The following APPL2 variants were observed in gnomAD, a reference collection of about 807,000 sequenced individuals.
The protein encoded by APPL2 is DCC-interacting protein 13-beta.
In APPL2, 84 loss-of-function variants were observed where a neutral mutation model predicts 92.7. That is an observed-to-expected ratio of 0.91 (90% CI 0.76 to 1.09). The LOEUF is 1.09. Ranked by LOEUF, APPL2 falls within the 50% of genes least tolerant of loss-of-function variation. The pLI is 0.00. For synonymous variants in APPL2, 291 were observed against 291.0 expected, an observed-to-expected ratio of 1.00 and a Z score of 0.00; for missense variants, 736 against 824.5, an observed-to-expected ratio of 0.89 and a Z score of 1.31.
At chr12:105,174,473 GA>G in intron 20 of APPL2, 25 bp from the exon 21 acceptor site, 1 of 1,597,276 alleles carries the variant, frequency 6.3e-7, no homozygotes, top group East Asian at 2.3e-5. Context: ...GTTTAAAAGG[GA>G]AAAAAGAAAA....
chr12:105,226,179 AT>A (rs1341432732), intron 2 of APPL2, among the ~76,000 whole-genome samples: 7 of 152,224 alleles, frequency 4.6e-5, no homozygotes, highest in African/African-American at 1.7e-4. Flanking sequence ...AAACAAACAG[AT>A]CAAAACAGGA....
Position 105,207,127 on chromosome 12 carries a change from G to C in APPL2, c.555C>G (p.Leu185=). Residue 185 remains leucine, a synonymous_variant, in exon 8 of 21, where the codon CTC becomes CTG. Transcript: ENST00000258530. ...TTTGCTTTCTGTACTGCAGCGCGTT[G>C]AGGGCACAGTAGTACTGAAGGGAGG... ...HLSSLQYYCA[L]NALQYRKQMA... The C allele has an allele frequency of 6.2e-7, 1 of 1,614,160 alleles. No individual in the cohort carries two copies. Among genetic ancestry groups the C allele is most frequent in the Non-Finnish European group, 8.5e-7 (1 of 1,180,036 alleles).
At chr12:105,217,810 A>G in intron 2 of APPL2, 85 bp from the exon 3 acceptor site, 1 of 1,322,930 alleles carries the variant, frequency 7.6e-7, no homozygotes, top group Non-Finnish European at 1.1e-6. Context: ...AATCCCTTAA[A>G]AAGTAATATT....
chr12:105,233,383 T>A, intron 1 of APPL2: 1 of 985,488 alleles, frequency 1.0e-6, no homozygotes, highest in South Asian at 4.7e-5. Context: ...AACGCATGTG[T>A]ATGCACACAG....
In APPL2 at chr12:105,174,237, C is replaced by T; in HGVS notation, c.*77G>A. ...GCCTTCGGAAATCAGGTCAGTGTGC[C>T]TGTATGTCAGAGACGTTAAAACCCT... On this transcript the variant is annotated 3_prime_UTR_variant, in exon 21 of 21. Transcript: ENST00000258530. 1 of 1,533,544 alleles carries T rather than the reference C, an allele frequency of 6.5e-7. No homozygotes were observed. Among genetic ancestry groups the T allele is most frequent in the South Asian group, 1.3e-5 (1 of 79,358 alleles). The allele number at this position is 1,533,544 out of a possible 1,614,324, so 95.0% of individuals were successfully genotyped here.
chr12:105,175,432 C>G (rs570140995), intron 20 of APPL2, among the ~76,000 whole-genome samples: 2 of 152,306 alleles, frequency 1.3e-5, no homozygotes, highest in South Asian at 4.1e-4. Context: ...ATTTAAAAAT[C>G]CAGTTCCTCA....
chr12:105,202,215 TCA>T (rs1244558230), intron 9 of APPL2, among the ~76,000 whole-genome samples: 1 of 152,182 alleles, frequency 6.6e-6, no homozygotes, highest in Admixed American at 6.5e-5. Context: ...AGGGGGTAAC[TCA>T]CAGAACCAGC....
At chr12:105,190,978 A>C (rs537409461) in intron 14 of APPL2, among the ~76,000 whole-genome samples, 15 of 152,242 alleles carry the variant, frequency 9.9e-5, no homozygotes, top group Non-Finnish European at 1.5e-4. Flanking sequence ...TTGAAGGGCA[A>C]AGAATATCAA....
chr12:105,191,056 T>G (rs60732733), intron 14 of APPL2, among the ~76,000 whole-genome samples: 9,101 of 152,318 alleles, frequency 0.06, 910 homozygotes, highest in African/African-American at 0.21. Context: ...TCATTTGATA[T>G]GTCAATATTT....
chr12:105,208,091 T>C (rs376145354), intron 6 of APPL2, 62 bp from the exon 7 acceptor site: 38 of 1,613,114 alleles, frequency 2.4e-5, no homozygotes, highest in Middle Eastern at 1.6e-4. Context: ...AGAACATTCA[T>C]TGGGGGTCTC....
At chr12:105,206,835 G>T in intron 8 of APPL2, 1 of 474,462 alleles carries the variant, frequency 2.1e-6, no homozygotes. Flanking sequence ...TTGGGACCCA[G>T]GCCTCATTTC....
At chr12:105,174,884 G>GGGGA (rs1381463531) in intron 20 of APPL2, among the ~76,000 whole-genome samples, 2 of 141,238 alleles carry the variant, frequency 1.4e-5, no homozygotes, top group Non-Finnish European at 3.2e-5. Flanking sequence ...GGTGGGGGGG[G>GGGGA]GGGTGGTGCG....
chr12:105,195,510 G>C lies in APPL2; in HGVS notation c.1096-9C>G, dbSNP rs771822415. 4 of 1,613,938 alleles carry C rather than the reference G, an allele frequency of 2.5e-6. No homozygotes were observed. Among genetic ancestry groups the C allele is most frequent in the Non-Finnish European group, 3.4e-6 (4 of 1,180,012 alleles). On this transcript the variant is annotated splice_polypyrimidine_tract_variant and intron_variant, in intron 12 of 20. Transcript: ENST00000258530. ...TTTATTGCACATATCCACTGTAGAG[G>C]ACATTAAAAAAGAACACTGAATCCC...
chr12:105,199,645 GCTGCCA>G, intron 9 of APPL2, 114 bp from the exon 10 acceptor site: 1 of 1,156,182 alleles, frequency 8.6e-7, no homozygotes, highest in South Asian at 1.6e-5. Flanking sequence ...TACAGATGGA[GCTGCCA>G]GCCTCCTACA....
intron 16 of APPL2, 38 bp from the exon 17 acceptor site, chr12:105,188,485 T>A: frequency 6.2e-7 from 1 of 1,606,154 alleles, no homozygotes; most frequent in Non-Finnish European, 8.5e-7. Flanking sequence ...TCTCATTTAC[T>A]TCCTGCTGCT....
At chr12:105,188,774 T>C (rs986840482) in intron 16 of APPL2, among the ~76,000 whole-genome samples, 2 of 152,150 alleles carry the variant, frequency 1.3e-5, no homozygotes, top group Admixed American at 1.3e-4. Context: ...AAAGAGTGAG[T>C]TCACTAGACA....
intron 17 of APPL2, among the ~76,000 whole-genome samples, chr12:105,177,944 A>C (rs183606960): frequency 6.6e-6 from 1 of 152,122 alleles, no homozygotes; most frequent in Admixed American, 6.5e-5. Flanking sequence ...GTGTCAGCCA[A>C]AATGCCTGGC....
At chr12:105,208,508 T>C (rs934708714) in intron 5 of APPL2, among the ~76,000 whole-genome samples, 2 of 152,130 alleles carry the variant, frequency 1.3e-5, no homozygotes, top group African/African-American at 4.8e-5. Context: ...GACAGGTACT[T>C]TTCATGGAGA....
At position 105,173,647 on chromosome 12, in the gene APPL2, TCTGA is replaced by T. The variant is rs1365953466; in HGVS notation, c.*663_*666del. On this transcript the variant is annotated 3_prime_UTR_variant, in exon 21 of 21. Transcript: ENST00000258530. ...CTCATACCTAGGAGGACCTTAAACT[TCTGA>T]ATGCTGGTTCAGTAAGGCTCCACTG... 1.3e-5 allele frequency: 2 copies of T among 152,654 alleles called. No individual in the cohort carries two copies. The highest frequency in any genetic ancestry group is 2.9e-5 in the Non-Finnish European group (2 of 68,056). 9.5% of individuals were successfully genotyped at this position (152,654 alleles called of 1,614,324 possible).
Sources: gnomAD v4.1 joint callset for allele counts (sites outside exome capture counted in the v4.1 genomes callset) on GRCh38, gnomAD v4.1.1 for gene constraint, MANE v1.5 for transcripts, NCBI Gene and HGNC (gene_info 2026-07-23, HGNC 2026-07-21) for gene names.